SMOC2: variants seen among roughly 807,000 people sequenced by gnomAD.
The protein encoded by SMOC2 is SPARC-related modular calcium-binding protein 2.
A neutral mutation model predicts 61.4 loss-of-function variants in SMOC2; 39 were observed. The ratio of observed to expected loss-of-function variants is 0.64; its 90% CI spans 0.49 to 0.83. SMOC2 has a LOEUF of 0.83. Ranked by LOEUF, SMOC2 falls within the 40% of genes least tolerant of loss-of-function variation. SMOC2 has a pLI of 0.00. For missense variants in SMOC2, 556 were observed against 592.9 expected, an observed-to-expected ratio of 0.94 and a Z score of 0.65; for synonymous variants, 247 against 239.9, an observed-to-expected ratio of 1.03 and a Z score of -0.27.
rs1020606477 is a variant in SMOC2 at position 168,553,543 on chromosome 6, C to G, written c.637+4340C>G. Among the ~76,000 whole-genome samples, 6 of 152,204 alleles carry G rather than the reference C, an allele frequency of 3.9e-5. No individual in the cohort carries two copies. Among genetic ancestry groups the G allele is most frequent in the Non-Finnish European group, 5.9e-5 (4 of 68,038 alleles). Reference sequence around the variant, plus strand: ...TCTAAAACTGAAGAGGAGACTGCAACTTCTTTTCTTACTTGAGCCAGCTAC... The same window carrying G: ...TCTAAAACTGAAGAGGAGACTGCAAGTTCTTTTCTTACTTGAGCCAGCTAC... On this transcript the variant is annotated intron_variant, in intron 7 of 12. Coordinates refer to ENST00000356284, the MANE Select transcript of SMOC2 (RefSeq NM_001166412.2). The surrounding 1 kb of genome is among the most constrained non-coding windows in gnomAD (Gnocchi z 4.2).
At chr6:168,617,974 G>T (rs1347064752) in intron 9 of SMOC2, among the ~76,000 whole-genome samples, 2 of 152,230 alleles carry the variant, frequency 1.3e-5, no homozygotes, top group East Asian at 3.9e-4. Context: ...TGCTGACATG[G>T]ATTGCCAGGT....
chr6:168,485,512 A>T (rs550893018), intron 1 of SMOC2, among the ~76,000 whole-genome samples: 1 of 152,366 alleles, frequency 6.6e-6, no homozygotes, highest in South Asian at 2.1e-4. Flanking sequence ...TGAAGTGTTG[A>T]TACACACTAC....
intron 11 of SMOC2, among the ~76,000 whole-genome samples, chr6:168,659,593 G>C (rs1434106357): frequency 5.2e-5 from 4 of 76,390 alleles, no homozygotes; most frequent in Non-Finnish European, 8.1e-5. Flanking sequence ...GAGGTTGTAG[G>C]TTGGGTGAGG....
Position 168,592,336 on chromosome 6 carries a change from TCTC to T in SMOC2, c.638-6480_638-6478del, listed in dbSNP as rs1562367168. Among the ~76,000 whole-genome samples, 86 of 145,388 alleles carry T rather than the reference TCTC, an allele frequency of 5.9e-4. 1 individual carries two copies. The highest frequency in any genetic ancestry group is 8.9e-4 in the Admixed American group (13 of 14,554). On this transcript the variant is annotated intron_variant, in intron 7 of 12. Transcript: ENST00000356284. ...GCCTCACGGGCGTCTTTCTAGAGGATCTCCGAGCTCCTCCTCCTTCCTGAGGCC... is the reference window on the plus strand; with the variant it reads ...GCCTCACGGGCGTCTTTCTAGAGGATCGAGCTCCTCCTCCTTCCTGAGGCC...
At chr6:168,558,806 T>C (rs375503567) in intron 7 of SMOC2, among the ~76,000 whole-genome samples, 37 of 67,662 alleles carry the variant, frequency 5.5e-4, no homozygotes, top group Non-Finnish European at 6.2e-4. Context: ...CGTGTGCGCA[T>C]GTGTGTGTGT....
intron 1 of SMOC2, among the ~76,000 whole-genome samples, chr6:168,443,721 G>A (rs932257819): frequency 1.3e-5 from 2 of 152,026 alleles, no homozygotes; most frequent in African/African-American, 4.8e-5. Flanking sequence ...AATCTCTTTT[G>A]TCTCCGGAGG....
intron 1 of SMOC2, among the ~76,000 whole-genome samples, chr6:168,468,751 C>G (rs1388435490): frequency 1.3e-5 from 2 of 152,108 alleles, no homozygotes; most frequent in Non-Finnish European, 2.9e-5. Flanking sequence ...CCAGGCTGGT[C>G]TCAAACTCCT....
intron 2 of SMOC2, among the ~76,000 whole-genome samples, chr6:168,520,330 A>G (rs1783299294): frequency 6.6e-6 from 1 of 152,226 alleles, no homozygotes; most frequent in Non-Finnish European, 1.5e-5. Context: ...GCCAAAATCA[A>G]TAAAAGCCAT....
chr6:168,499,226 G>A lies in SMOC2; in HGVS notation c.85-10689G>A, dbSNP rs370497921. On this transcript the variant is annotated intron_variant, in intron 1 of 12. Transcript: ENST00000356284. ...CTGGGGGTGGAGATGAGAGTCCATT[G>A]CCCGGGAGACGGTGCTGCATGCTGC... Among the ~76,000 whole-genome samples the A allele has an allele frequency of 4.6e-5, 7 of 152,356 alleles. No individual in the cohort carries two copies. In the East Asian group the frequency reaches 1.3e-3, roughly 29 times the overall value.
chr6:168,600,392 A>G (rs1785511955), intron 8 of SMOC2, among the ~76,000 whole-genome samples: 2 of 127,260 alleles, frequency 1.6e-5, no homozygotes. Context: ...GGGTGACAAG[A>G]GCGAAACTCT....
chr6:168,542,984 C>CT (rs1183499835), intron 4 of SMOC2, among the ~76,000 whole-genome samples: 3 of 152,168 alleles, frequency 2.0e-5, no homozygotes, highest in African/African-American at 7.2e-5. Flanking sequence ...CCAGTAAACT[C>CT]TGAGACGAAC....
chr6:168,592,733 G>A (rs567036137), intron 7 of SMOC2, among the ~76,000 whole-genome samples: 3 of 17,946 alleles, frequency 1.7e-4, no homozygotes, highest in Non-Finnish European at 2.6e-4. Flanking sequence ...AGGCCTCACG[G>A]GCATCTTTCT....
rs564473845 is a variant in SMOC2 at position 168,606,507 on chromosome 6, A to G, written c.825-1650A>G. Among the ~76,000 whole-genome samples the G allele has an allele frequency of 5.3e-5, 8 of 152,176 alleles. 1 individual carries two copies. The South Asian group carries it at 1.7e-3, about 32-fold the overall frequency. ...AGCTGGATGGGGTCCTCTCACTGGG[A>G]CTGCTGGACTCTCTGGGGCCTCTGT... is the stretch of plus-strand genomic sequence containing the variant. On this transcript the variant is annotated intron_variant, in intron 8 of 12. Coordinates refer to ENST00000356284, the MANE Select transcript of SMOC2 (RefSeq NM_001166412.2).
intron 7 of SMOC2, among the ~76,000 whole-genome samples, chr6:168,571,759 G>A (rs1374226607): frequency 3.3e-5 from 5 of 152,188 alleles, no homozygotes; most frequent in African/African-American, 7.2e-5. Flanking sequence ...TGTTTCCGAC[G>A]TTGAGTCCTC....
At chr6:168,500,302 AAAAG>A (rs1474018659) in intron 1 of SMOC2, among the ~76,000 whole-genome samples, 67 of 151,682 alleles carry the variant, frequency 4.4e-4, no homozygotes, top group African/African-American at 1.5e-3. Context: ...AAAAAAAAAA[AAAAG>A]AAGAAGAAAA....
intron 4 of SMOC2, among the ~76,000 whole-genome samples, chr6:168,534,870 C>T (rs1003647811): frequency 1.3e-5 from 2 of 152,122 alleles, no homozygotes; most frequent in African/African-American, 4.8e-5. Context: ...ATAAAATGCT[C>T]CCAAAGAAAT....
intron 1 of SMOC2, among the ~76,000 whole-genome samples, chr6:168,487,567 C>T (rs927873546): frequency 1.3e-5 from 2 of 152,006 alleles, no homozygotes; most frequent in East Asian, 1.9e-4. Flanking sequence ...GTGCAGTGTG[C>T]GATCTTGACT....
intron 1 of SMOC2, among the ~76,000 whole-genome samples, chr6:168,465,283 C>T (rs1781801858): frequency 6.6e-6 from 1 of 152,016 alleles, no homozygotes; most frequent in Non-Finnish European, 1.5e-5. Context: ...TTCTTTTAAA[C>T]CCTTGGTTAT....
rs113038934 is a variant in SMOC2 at position 168,607,515 on chromosome 6, G to A, written c.825-642G>A. Among the ~76,000 whole-genome samples the A allele has an allele frequency of 4.9e-3, 748 of 152,240 alleles. 7 individuals are homozygous for A. Among genetic ancestry groups the A allele is most frequent in the African/African-American group, 0.017 (697 of 41,554 alleles). On this transcript the variant is annotated intron_variant, in intron 8 of 12. Coordinates refer to ENST00000356284, the MANE Select transcript of SMOC2 (RefSeq NM_001166412.2). The stretch of plus-strand genomic sequence containing the variant: ...CAGCAGCCAGGGCACCTGCCCTCTT[G>A]GATGTCAGCCCTGTCTGTTCAGGAC...
Sources: allele counts gnomAD v4.1 joint callset (sites outside exome capture counted in the v4.1 genomes callset), GRCh38; gene constraint gnomAD v4.1.1; non-coding constraint Gnocchi (gnomAD v3.1); transcripts MANE v1.5; gene names NCBI Gene and HGNC (gene_info 2026-07-23, HGNC 2026-07-21).